Variants in MROH2B observed in about 807,000 individuals in gnomAD.
MROH2B encodes maestro heat like repeat family member 2B, also known as maestro heat-like repeat-containing protein family member 2B.
MROH2B carries 177 observed loss-of-function variants against 208.6 expected under a neutral mutation model. The ratio of observed to expected loss-of-function variants is 0.85; its 90% CI spans 0.75 to 0.96. MROH2B has a LOEUF of 0.96. MROH2B is among the 40% of genes least tolerant of loss of function. MROH2B has a pLI of 0.00. For missense variants in MROH2B, 2,002 were observed against 1,878.7 expected (o/e 1.07, Z -1.21); for synonymous variants, 728 against 659.0 (o/e 1.10, Z -1.60).
intron 14 of MROH2B, 58 bp downstream of exon 14, chr5:41,049,222 T>C (rs1743211444): frequency 5.6e-5 from 90 of 1,610,242 alleles, no homozygotes; most frequent in Non-Finnish European, 7.4e-5. Flanking sequence ...ACTGTAGCCT[T>C]CCTGGAAATG....
chr5:41,059,387 AT>A (rs777025372), intron 6 of MROH2B, among the ~76,000 whole-genome samples: 1 of 152,126 alleles, frequency 6.6e-6, no homozygotes, highest in Non-Finnish European at 1.5e-5. Context: ...TATATTTTTT[AT>A]TTGACTTATT....
intron 41 of MROH2B, 76 bp from the exon 42 acceptor site, chr5:40,998,234 C>A: frequency 8.0e-7 from 1 of 1,242,504 alleles, no homozygotes; most frequent in Middle Eastern, 2.4e-4. Flanking sequence ...AAGCCAAGGC[C>A]CAACTTTTTA....
intron 37 of MROH2B, among the ~76,000 whole-genome samples, chr5:41,001,798 C>T (rs7724910): frequency 0.45 from 68,959 of 151,652 alleles, 15,953 homozygotes; most frequent in African/African-American, 0.52. Flanking sequence ...ATTGGAGTTA[C>T]GTTTCAGAGT....
Position 41,010,054 on chromosome 5 carries a change from T to A in MROH2B, c.3161A>T (p.Tyr1054Phe). 6.2e-7 allele frequency: 1 copy of A among 1,613,690 alleles called. No individual in the cohort carries two copies. The highest frequency in any genetic ancestry group is 8.5e-7 in the Non-Finnish European group (1 of 1,179,764). ...TTGTCTGAGGACTGGCATGTGATGG[T>A]AGATTGTGCCTAAGATCTCCAATAG... The part of the protein sequence containing the change: ...DQLLEILGTI[Y>F]HHMPVLRQKE... Residue 1054 changes from tyrosine to phenylalanine, a missense_variant, in exon 31 of 42, where the codon TAC becomes TTC. Tyr to Phe is a conservative substitution (Grantham distance 22). Transcript: ENST00000399564.
chr5:41,049,922 C>T (rs1209056715), intron 13 of MROH2B, among the ~76,000 whole-genome samples: 1 of 152,176 alleles, frequency 6.6e-6, no homozygotes, highest in African/African-American at 2.4e-5. Context: ...AAGTCTGAAA[C>T]ATTGTGGTTT....
chr5:41,047,630 C>T (rs1372236240), intron 17 of MROH2B, 91 bp downstream of exon 17: 1 of 1,151,592 alleles, frequency 8.7e-7, no homozygotes, highest in Non-Finnish European at 1.3e-6. Flanking sequence ...GTTTATTATC[C>T]TCAGGAATCT....
chr5:40,999,518 G>A (rs1348811225), intron 40 of MROH2B, among the ~76,000 whole-genome samples, 159 bp downstream of exon 40: 1 of 152,200 alleles, frequency 6.6e-6, no homozygotes, highest in African/African-American at 2.4e-5. Flanking sequence ...GTTTCTTTGA[G>A]GGAGGATGTT....
At chr5:41,049,936 T>G (rs1348661844) in intron 13 of MROH2B, among the ~76,000 whole-genome samples, 1 of 152,200 alleles carries the variant, frequency 6.6e-6, no homozygotes, top group Non-Finnish European at 1.5e-5. Flanking sequence ...GTGGTTTCTT[T>G]AGTATGTTTT....
At chr5:41,068,036 G>C (rs1743865122) in intron 2 of MROH2B, among the ~76,000 whole-genome samples, 1 of 152,150 alleles carries the variant, frequency 6.6e-6, no homozygotes, top group African/African-American at 2.4e-5. Context: ...AGGGCCTCCA[G>C]TTGTGTGGCT....
intron 30 of MROH2B, among the ~76,000 whole-genome samples, chr5:41,010,562 T>C (rs968582647): frequency 2.6e-5 from 4 of 152,094 alleles, no homozygotes; most frequent in Non-Finnish European, 5.9e-5. Flanking sequence ...TGGAGACAGA[T>C]GGTGGGAAAG....
chr5:41,065,710 T>C (rs1050651332), intron 3 of MROH2B, among the ~76,000 whole-genome samples: 7 of 152,146 alleles, frequency 4.6e-5, no homozygotes, highest in African/African-American at 7.2e-5. Flanking sequence ...TCTGTTCTTT[T>C]GGAGTCTGCA....
intron 35 of MROH2B, 132 bp from the exon 36 acceptor site, chr5:41,005,052 G>C: frequency 8.0e-7 from 1 of 1,246,464 alleles, no homozygotes; most frequent in Non-Finnish European, 1.1e-6. Flanking sequence ...AAGCCCTCTG[G>C]TGAACCAGCA....
At chr5:41,026,785 C>A (rs1476200937) in intron 24 of MROH2B, among the ~76,000 whole-genome samples, 2 of 152,170 alleles carry the variant, frequency 1.3e-5, no homozygotes, top group Admixed American at 1.3e-4. Flanking sequence ...TGACTTTAAA[C>A]TACACTACAA....
rs747668745 is a variant in MROH2B at position 41,007,339 on chromosome 5, G to A, written c.3724C>T (p.His1242Tyr). Reference sequence around the variant, plus strand: ...CTGGCCAGTGAACATACGCCTATGTGGTGGGTACTAGGACTGCTGAGTAGA... The same window carrying A: ...CTGGCCAGTGAACATACGCCTATGTAGTGGGTACTAGGACTGCTGAGTAGA... ...WTLLSSPSTH[H>Y]IGVCSLARSM... Residue 1242 changes from histidine (H) to tyrosine (Y), a missense_variant, in exon 34 of 42, where the codon CAC becomes TAC. Transcript: ENST00000399564. 6.1e-6 allele frequency: 9 copies of A among 1,484,332 alleles called. No individual in the cohort carries two copies. The highest frequency in any genetic ancestry group is 8.1e-6 in the Non-Finnish European group (9 of 1,112,542). 91.9% of individuals were successfully genotyped at this position (1,484,332 alleles called of 1,614,324 possible).
chr5:41,059,508 A>G (rs1743571404), intron 6 of MROH2B, among the ~76,000 whole-genome samples: 2 of 152,166 alleles, frequency 1.3e-5, no homozygotes, highest in African/African-American at 4.8e-5. Context: ...TATCAGCTAC[A>G]TTTTACAACA....
At chr5:41,019,044 T>C (rs1235854990) in intron 24 of MROH2B, 26 bp from the exon 25 acceptor site, 3 of 1,613,496 alleles carry the variant, frequency 1.9e-6, no homozygotes, top group Non-Finnish European at 1.7e-6. Context: ...GGTGGAGGAA[T>C]GGATATTACA....
At chr5:41,024,711 C>G (rs1427322415) in intron 24 of MROH2B, among the ~76,000 whole-genome samples, 1 of 152,192 alleles carries the variant, frequency 6.6e-6, no homozygotes, top group Non-Finnish European at 1.5e-5. Context: ...GAACTCTCCA[C>G]CCCAAATCAA....
At chr5:41,027,351 A>C (rs1579926504) in intron 24 of MROH2B, among the ~76,000 whole-genome samples, 1 of 152,252 alleles carries the variant, frequency 6.6e-6, no homozygotes, top group East Asian at 1.9e-4. Flanking sequence ...AGGAAAAATC[A>C]AACAACCCCA....
chr5:41,043,868 A>G (rs1743035357), intron 18 of MROH2B, among the ~76,000 whole-genome samples: 1 of 152,104 alleles, frequency 6.6e-6, no homozygotes, highest in Non-Finnish European at 1.5e-5. Context: ...CTTTGTTGCT[A>G]TCACCCTGAG....
Sources: allele counts gnomAD v4.1 joint callset (sites outside exome capture counted in the v4.1 genomes callset), GRCh38; gene constraint gnomAD v4.1.1; transcripts MANE v1.5; gene names NCBI Gene and HGNC (gene_info 2026-07-23, HGNC 2026-07-21).